Variants in ANKRD6 observed in about 807,000 individuals in gnomAD.
ANKRD6 encodes the protein ankyrin repeat domain 6, also known as ankyrin repeat domain-containing protein 6.
In ANKRD6, 56 loss-of-function variants were observed where a neutral mutation model predicts 82.3. The observed-to-expected ratio is 0.68, with a 90% confidence interval of 0.55 to 0.85. The LOEUF is 0.85. ANKRD6 is among the 40% of genes least tolerant of loss of function. The pLI is 0.00. For missense variants in ANKRD6, 852 were observed against 907.6 expected (o/e 0.94, Z 0.79); for synonymous variants, 347 against 352.1 (o/e 0.99, Z 0.16).
At chr6:89,626,917 G>A (rs377223251) in intron 13 of ANKRD6, among the ~76,000 whole-genome samples, 8 of 152,340 alleles carry the variant, frequency 5.3e-5, no homozygotes, top group Admixed American at 3.3e-4. Context: ...CACTGCAAGA[G>A]CCGGATAAAA....
intron 5 of ANKRD6, among the ~76,000 whole-genome samples, chr6:89,609,138 A>AT (rs1431148054): frequency 6.6e-6 from 1 of 151,896 alleles, no homozygotes; most frequent in Non-Finnish European, 1.5e-5. Flanking sequence ...CCTAGTTCAT[A>AT]TTTTTCATGG....
At chr6:89,574,431 G>C (rs1790651693) in intron 2 of ANKRD6, among the ~76,000 whole-genome samples, 1 of 152,156 alleles carries the variant, frequency 6.6e-6, no homozygotes, top group Non-Finnish European at 1.5e-5. Flanking sequence ...ACAAACCTTA[G>C]AGTTTCCATA....
At chr6:89,565,279 C>G (rs975709475) in intron 1 of ANKRD6, 1 of 152,120 alleles carries the variant, frequency 6.6e-6, no homozygotes, top group Non-Finnish European at 1.5e-5. Flanking sequence ...TTCACCAGAT[C>G]TGTTTTGTTT....
intron 2 of ANKRD6, 126 bp from the exon 3 acceptor site, chr6:89,595,787 CAAT>C: frequency 1.5e-6 from 1 of 679,532 alleles, no homozygotes; most frequent in African/African-American, 1.8e-5. Context: ...AATCTCCTGC[CAAT>C]CCAAAGGGGC....
At position 89,567,055 on chromosome 6, in the gene ANKRD6, G is replaced by A. The variant is rs1030723428; in HGVS notation, c.79G>A (p.Val27Ile). ...AAYKGQTENV[V>I]QLINKGARVA... ...GTACAAAGGCCAAACAGAGAATGTG[G>A]TTCAGCTCATCAACAAGGGCGCCAG... The change falls in exon 2 of 16, where the codon GTT becomes ATT. Residue 27 changes from valine to isoleucine, a missense_variant. Transcript: ENST00000339746. 6 of 1,606,644 alleles carry A rather than the reference G, an allele frequency of 3.7e-6. No homozygotes were observed. The highest frequency in any genetic ancestry group is 1.3e-5 in the African/African-American group (1 of 74,958).
At chr6:89,585,878 C>G (rs1052571148) in intron 2 of ANKRD6, among the ~76,000 whole-genome samples, 2 of 152,188 alleles carry the variant, frequency 1.3e-5, no homozygotes, top group African/African-American at 4.8e-5. Flanking sequence ...GCACTCCAGC[C>G]TGGGTGACAG....
chr6:89,616,402 A>T, intron 7 of ANKRD6, 157 bp from the exon 8 acceptor site: 1 of 630,974 alleles, frequency 1.6e-6, no homozygotes, highest in Non-Finnish European at 2.8e-6. Context: ...AGACCTCTTT[A>T]AGTAGAGCCT....
intron 1 of ANKRD6, among the ~76,000 whole-genome samples, chr6:89,477,882 C>T (rs1051006650): frequency 6.6e-6 from 1 of 151,130 alleles, no homozygotes; most frequent in African/African-American, 2.4e-5. Context: ...ACATTGATAC[C>T]CACCCTTTCC....
At chr6:89,537,879 CA>C (rs55864526) in intron 1 of ANKRD6, among the ~76,000 whole-genome samples, 37,902 of 111,136 alleles carry the variant, frequency 0.34, 4,958 homozygotes, top group Middle Eastern at 0.42. Context: ...GACAATGTCT[CA>C]AAAAAAAAAA....
rs571011298 is a variant in ANKRD6 at position 89,473,107 on chromosome 6, A to G, written c.-144+39732A>G. Reference sequence around the variant, plus strand: ...GTCTAGAGAATTTATTTAACAGCATATTGTTTCATTAAAAAAAATTTGGCC... The same window carrying G: ...GTCTAGAGAATTTATTTAACAGCATGTTGTTTCATTAAAAAAAATTTGGCC... On this transcript the variant is annotated intron_variant, in intron 1 of 15. Coordinates refer to ENST00000339746, the MANE Select transcript of ANKRD6 (RefSeq NM_001242809.2). 3.9e-5 allele frequency among the ~76,000 whole-genome samples: 6 copies of G among 152,168 alleles called. No homozygotes were observed. The East Asian group carries it at 9.7e-4, about 24-fold the overall frequency.
intron 1 of ANKRD6, among the ~76,000 whole-genome samples, chr6:89,497,015 G>A (rs761048536): frequency 6.6e-6 from 1 of 152,132 alleles, no homozygotes. Context: ...TGAGTTTATA[G>A]CTTCTTCTTT....
At chr6:89,450,194 G>A (rs1018243429) in intron 1 of ANKRD6, among the ~76,000 whole-genome samples, 9 of 151,998 alleles carry the variant, frequency 5.9e-5, no homozygotes, top group African/African-American at 2.2e-4. Flanking sequence ...AAAATTAGCC[G>A]GGTGTGGTGG....
intron 3 of ANKRD6, chr6:89,598,096 C>A (rs1344353167): frequency 1.0e-6 from 1 of 985,082 alleles, no homozygotes; most frequent in African/African-American, 1.7e-5. Context: ...TCTACAGATA[C>A]TGATCTTTAT....
At chr6:89,615,819 ACAG>A (rs1216140557) in intron 7 of ANKRD6, among the ~76,000 whole-genome samples, 2 of 152,238 alleles carry the variant, frequency 1.3e-5, no homozygotes, top group African/African-American at 4.8e-5. Flanking sequence ...TTGGAAAATG[ACAG>A]CATTTGCATT....
intron 2 of ANKRD6, among the ~76,000 whole-genome samples, chr6:89,578,214 A>T (rs1442707408): frequency 6.6e-6 from 1 of 151,660 alleles, no homozygotes; most frequent in Non-Finnish European, 1.5e-5. Flanking sequence ...GGAGAACGAC[A>T]TGGGACACAT....
intron 9 of ANKRD6, among the ~76,000 whole-genome samples, chr6:89,620,788 G>A (rs571111068): frequency 1.2e-4 from 18 of 152,188 alleles, no homozygotes; most frequent in South Asian, 4.2e-4. Context: ...AGACGAGGCC[G>A]GGTGCGGTGG....
intron 1 of ANKRD6, among the ~76,000 whole-genome samples, chr6:89,486,508 A>G (rs1332143009): frequency 1.3e-5 from 2 of 152,214 alleles, no homozygotes; most frequent in African/African-American, 4.8e-5. Flanking sequence ...TCAGGCTGCT[A>G]TAACAAAATA....
At chr6:89,572,582 T>C (rs1790166941) in intron 2 of ANKRD6, among the ~76,000 whole-genome samples, 1 of 152,250 alleles carries the variant, frequency 6.6e-6, no homozygotes, top group South Asian at 2.1e-4. Context: ...AGCATTGTCA[T>C]ATCCAAGAAA....
chr6:89,611,425 A>T (rs187352242), intron 5 of ANKRD6, among the ~76,000 whole-genome samples: 1 of 152,198 alleles, frequency 6.6e-6, no homozygotes, highest in Non-Finnish European at 1.5e-5. Context: ...AATGTCACCT[A>T]TCACACGGCC....
Sources: allele counts gnomAD v4.1 joint callset (sites outside exome capture counted in the v4.1 genomes callset), GRCh38; gene constraint gnomAD v4.1.1; transcripts MANE v1.5; gene names NCBI Gene and HGNC (gene_info 2026-07-23, HGNC 2026-07-21).